Variants in VAT1L observed in about 807,000 individuals in gnomAD.
VAT1L encodes putative NADPH-dependent quinone oxidoreductase VAT1L.
In VAT1L, 34 loss-of-function variants were observed where a neutral mutation model predicts 44.1. That is an observed-to-expected ratio of 0.77 (90% CI 0.59 to 1.03). VAT1L has a LOEUF of 1.03. Among genes scored for constraint, VAT1L ranks in the 50% least tolerant of loss-of-function variants. The pLI is 0.00. For synonymous variants in VAT1L, 253 were observed against 202.2 expected (o/e 1.25, Z -2.13); for missense variants, 615 against 538.8 (o/e 1.14, Z -1.40).
intron 7 of VAT1L, among the ~76,000 whole-genome samples, chr16:77,901,150 T>C (rs546332036): frequency 7.5e-6 from 1 of 133,464 alleles, no homozygotes; most frequent in East Asian, 2.2e-4. Context: ...ACCAGTAGTT[T>C]ACCTTTTTTT....
chr16:77,899,871 C>T (rs2017362317), intron 7 of VAT1L, among the ~76,000 whole-genome samples: 1 of 152,224 alleles, frequency 6.6e-6, no homozygotes, highest in African/African-American at 2.4e-5. Context: ...TGAGCCTCAC[C>T]ATCTCCCTTT....
At position 77,894,332 on chromosome 16, in the gene VAT1L, G is replaced by T. The variant is rs564483779; in HGVS notation, c.1077+9530G>T. 9.2e-5 allele frequency among the ~76,000 whole-genome samples: 14 copies of T among 152,348 alleles called. No homozygotes were observed. The Middle Eastern group carries it at 0.014, about 148-fold the overall frequency. ...GAAACAGCCTTTGGGTTTGGCCCAG[G>T]CTCATTGTTGACCTTTCAGAAAGCA... On this transcript the variant is annotated intron_variant, in intron 7 of 8. Coordinates refer to ENST00000302536, the MANE Select transcript of VAT1L (RefSeq NM_020927.3).
intron 1 of VAT1L, chr16:77,800,175 A>G (rs1471737642): frequency 6.6e-6 from 1 of 152,188 alleles, no homozygotes; most frequent in African/African-American, 2.4e-5. Context: ...AACACAGTCT[A>G]TTCTCTTGGA....
At chr16:77,945,416 A>C (rs2017949089) in intron 7 of VAT1L, among the ~76,000 whole-genome samples, 1 of 151,366 alleles carries the variant, frequency 6.6e-6, no homozygotes, top group Non-Finnish European at 1.5e-5. Context: ...TCTCCTGAGT[A>C]ACTGCGATTA....
intron 1 of VAT1L, among the ~76,000 whole-genome samples, chr16:77,795,198 T>A (rs2015905728): frequency 6.6e-6 from 1 of 151,724 alleles, no homozygotes; most frequent in Non-Finnish European, 1.5e-5. Context: ...CTTCCCATTT[T>A]TCCATTCTGC....
At chr16:77,888,571 A>C (rs752768420) in intron 7 of VAT1L, among the ~76,000 whole-genome samples, 19 of 152,242 alleles carry the variant, frequency 1.2e-4, no homozygotes, top group Non-Finnish European at 2.2e-4. Context: ...ACATAAATAA[A>C]AGACAGGGTT....
chr16:77,890,224 C>A (rs1210454342), intron 7 of VAT1L, among the ~76,000 whole-genome samples: 1 of 151,956 alleles, frequency 6.6e-6, no homozygotes, highest in Non-Finnish European at 1.5e-5. Flanking sequence ...GCAGGAGGCA[C>A]AGCATGAACA....
chr16:77,837,968 C>T (rs905597681), intron 3 of VAT1L, among the ~76,000 whole-genome samples: 4 of 152,160 alleles, frequency 2.6e-5, no homozygotes, highest in African/African-American at 9.7e-5. Context: ...GTTAGGTTGA[C>T]GGTTGAAACC....
chr16:77,808,091 G>A (rs2016196199), intron 1 of VAT1L, among the ~76,000 whole-genome samples: 1 of 151,944 alleles, frequency 6.6e-6, no homozygotes, highest in South Asian at 2.1e-4. Flanking sequence ...CAAGCAGGAG[G>A]TAATTGGTGG....
At position 77,843,858 on chromosome 16, in the gene VAT1L, G is replaced by A. The variant is rs148956583; in HGVS notation, c.579+18397G>A. On this transcript the variant is annotated intron_variant, in intron 3 of 8. Transcript: ENST00000302536. ...GGGAGACAATTAGACCCAGAGGTCT[G>A]GGCTTGTGGAGGAGGACCAGCAGAG... 7.8e-4 allele frequency among the ~76,000 whole-genome samples: 119 copies of A among 152,346 alleles called. No homozygotes were observed. The East Asian group carries it at 9.4e-3, about 12-fold the overall frequency.
intron 3 of VAT1L, among the ~76,000 whole-genome samples, chr16:77,852,857 C>G (rs2016821131): frequency 1.3e-5 from 2 of 152,162 alleles, no homozygotes; most frequent in African/African-American, 4.8e-5. Context: ...AGGCTGTTAC[C>G]TAACTTCTCT....
At chr16:77,883,936 T>C (rs542335528) in intron 6 of VAT1L, among the ~76,000 whole-genome samples, 2 of 152,230 alleles carry the variant, frequency 1.3e-5, no homozygotes, top group African/African-American at 4.8e-5. Flanking sequence ...AACCCCATCA[T>C]CACCACCACC....
intron 1 of VAT1L, among the ~76,000 whole-genome samples, chr16:77,803,797 G>A (rs554552479): frequency 1.3e-5 from 2 of 152,188 alleles, no homozygotes; most frequent in South Asian, 4.2e-4. Flanking sequence ...TCTCCATTGA[G>A]ACCCTGTCCA....
chr16:77,839,105 T>C (rs1190877945), intron 3 of VAT1L, among the ~76,000 whole-genome samples: 1 of 152,006 alleles, frequency 6.6e-6, no homozygotes, highest in African/African-American at 2.4e-5. Context: ...CCGCAGAACA[T>C]GAGGACGTAA....
At chr16:77,977,452 C>A in intron 8 of VAT1L, 145 bp from the exon 9 acceptor site, 1 of 719,792 alleles carries the variant, frequency 1.4e-6, no homozygotes, top group Non-Finnish European at 2.3e-6. Flanking sequence ...CAACATATGA[C>A]AGCTAATCCT....
At chr16:77,959,104 A>C (rs1416597965) in intron 7 of VAT1L, among the ~76,000 whole-genome samples, 1 of 152,132 alleles carries the variant, frequency 6.6e-6, no homozygotes, top group African/African-American at 2.4e-5. Context: ...CACCTCCTTA[A>C]ATTTTGCACG....
chr16:77,912,301 G>T (rs1032464765), intron 7 of VAT1L, among the ~76,000 whole-genome samples: 9 of 152,192 alleles, frequency 5.9e-5, no homozygotes, highest in Admixed American at 5.2e-4. Context: ...CATAAGTAAA[G>T]CGCCTGGGAT....
At chr16:77,811,703 C>G (rs116019219) in intron 1 of VAT1L, among the ~76,000 whole-genome samples, 1,980 of 152,186 alleles carry the variant, frequency 0.013, 38 homozygotes, top group African/African-American at 0.045. Flanking sequence ...TTGACTTTGG[C>G]AAGACAAAAA....
intron 7 of VAT1L, among the ~76,000 whole-genome samples, chr16:77,927,794 G>A (rs4257218): frequency 0.83 from 126,634 of 152,116 alleles, 52,929 homozygotes; most frequent in East Asian, 0.92. Context: ...GCTTGAACCC[G>A]GGAGGTGGAG....
Sources: gnomAD v4.1 joint callset for allele counts (sites outside exome capture counted in the v4.1 genomes callset) on GRCh38, gnomAD v4.1.1 for gene constraint, MANE v1.5 for transcripts, NCBI Gene and HGNC (gene_info 2026-07-23, HGNC 2026-07-21) for gene names.